Variants in CEP128 observed in about 807,000 individuals in gnomAD.
CEP128 encodes the protein centrosomal protein 128, also known as centrosomal protein 128kDa.
In CEP128, 132 loss-of-function variants were observed where a neutral mutation model predicts 156.7. That is an observed-to-expected ratio of 0.84 (90% CI 0.73 to 0.97). The LOEUF is 0.97. Among genes scored for constraint, CEP128 ranks in the 50% least tolerant of loss-of-function variants. CEP128 has a pLI of 0.00. For missense variants in CEP128, 1,252 were observed against 1,281.9 expected (o/e 0.98, Z 0.36); for synonymous variants, 469 against 448.9 (o/e 1.04, Z -0.57).
intron 23 of CEP128, among the ~76,000 whole-genome samples, chr14:80,510,775 T>A (rs746529831): frequency 3.3e-5 from 5 of 151,950 alleles, no homozygotes; most frequent in African/African-American, 4.8e-5. Flanking sequence ...ATGTTCCTTT[T>A]AAAATCCCTC....
intron 18 of CEP128, among the ~76,000 whole-genome samples, chr14:80,748,154 T>A (rs1432487407): frequency 6.6e-6 from 1 of 152,198 alleles, no homozygotes; most frequent in South Asian, 2.1e-4. Context: ...CTTGTCTGGA[T>A]GTCACTGGCT....
intron 19 of CEP128, among the ~76,000 whole-genome samples, chr14:80,597,049 A>G (rs907686664): frequency 1.3e-5 from 2 of 151,818 alleles, no homozygotes; most frequent in African/African-American, 2.4e-5. Flanking sequence ...AGAAGTAATA[A>G]AGATAAGAAC....
intron 13 of CEP128, among the ~76,000 whole-genome samples, chr14:80,793,978 T>C (rs1408897427): frequency 6.6e-6 from 1 of 152,196 alleles, no homozygotes; most frequent in Non-Finnish European, 1.5e-5. Flanking sequence ...TGTAAAGCTT[T>C]GTAAGAAAGT....
At chr14:80,866,261 G>C (rs1393383862) in intron 8 of CEP128, among the ~76,000 whole-genome samples, 1 of 152,082 alleles carries the variant, frequency 6.6e-6, no homozygotes, top group Non-Finnish European at 1.5e-5. Context: ...TCTCACCACA[G>C]TGCCAGACCA....
intron 9 of CEP128, among the ~76,000 whole-genome samples, chr14:80,859,263 T>C (rs912007009): frequency 1.3e-3 from 194 of 149,676 alleles, no homozygotes; most frequent in Non-Finnish European, 2.4e-3. Context: ...TGGATGAAAT[T>C]GGAAATCATC....
chr14:80,599,265 C>CTTTTTTTTTTTTTTTTTTTTTTTTTTTT (rs375136337), intron 19 of CEP128, among the ~76,000 whole-genome samples: 1 of 85,406 alleles, frequency 1.2e-5, no homozygotes, highest in Non-Finnish European at 2.1e-5. Flanking sequence ...CAGTCATATT[C>CTTTTTTTTTTTTTTTTTTTTTTTTTTTT]TTTTTTTTTT....
intron 20 of CEP128, among the ~76,000 whole-genome samples, chr14:80,566,637 C>T (rs564073759): frequency 5.4e-4 from 82 of 152,258 alleles, no homozygotes; most frequent in African/African-American, 1.9e-3. Flanking sequence ...TGTATGCTAT[C>T]TATTAAAAGT....
At chr14:80,627,262 T>C (rs1893767083) in intron 19 of CEP128, among the ~76,000 whole-genome samples, 1 of 152,214 alleles carries the variant, frequency 6.6e-6, no homozygotes, top group Non-Finnish European at 1.5e-5. Flanking sequence ...ATTATTGCAT[T>C]ACAGTACAAT....
At chr14:80,508,895 G>C (rs1021702675) in intron 23 of CEP128, among the ~76,000 whole-genome samples, 2 of 152,166 alleles carry the variant, frequency 1.3e-5, no homozygotes, top group African/African-American at 2.4e-5. Context: ...AGAACTACTG[G>C]AGACTGGGTA....
chr14:80,804,632 G>C (rs556604342), intron 13 of CEP128, among the ~76,000 whole-genome samples: 1 of 152,088 alleles, frequency 6.6e-6, no homozygotes, highest in East Asian at 1.9e-4. Flanking sequence ...AAAAATAGCT[G>C]ACTCAAGTGT....
At chr14:80,550,673 T>C (rs916475755) in intron 21 of CEP128, among the ~76,000 whole-genome samples, 2 of 151,678 alleles carry the variant, frequency 1.3e-5, no homozygotes, top group African/African-American at 4.8e-5. Context: ...TGTATATATA[T>C]GAATATCGAG....
At chr14:80,623,278 G>T (rs1457835129) in intron 19 of CEP128, among the ~76,000 whole-genome samples, 1 of 144,096 alleles carries the variant, frequency 6.9e-6, no homozygotes, top group African/African-American at 2.6e-5. Context: ...ATGGACACAG[G>T]AAGGGGAACA....
At chr14:80,642,440 T>A (rs1894457076) in intron 19 of CEP128, among the ~76,000 whole-genome samples, 1 of 152,078 alleles carries the variant, frequency 6.6e-6, no homozygotes, top group African/African-American at 2.4e-5. Context: ...CCCCAGACTT[T>A]GAGAGGCCAA....
chr14:80,813,615 A>T (rs891678329), intron 13 of CEP128, among the ~76,000 whole-genome samples: 1 of 152,148 alleles, frequency 6.6e-6, no homozygotes, highest in East Asian at 1.9e-4. Flanking sequence ...TACTATATAC[A>T]TCCTTGATTT....
chr14:80,947,756 G>T (rs1330054846), intron 2 of CEP128, among the ~76,000 whole-genome samples: 1 of 152,182 alleles, frequency 6.6e-6, no homozygotes, highest in Admixed American at 6.5e-5. Context: ...TGGAAAGAGA[G>T]GAATAGGAGG....
chr14:80,506,573 G>A (rs1887986318), intron 23 of CEP128, among the ~76,000 whole-genome samples: 1 of 151,944 alleles, frequency 6.6e-6, no homozygotes, highest in African/African-American at 2.4e-5. Flanking sequence ...CCATATCTGT[G>A]GGTTAGGTGG....
intron 6 of CEP128, among the ~76,000 whole-genome samples, 184 bp downstream of exon 6, chr14:80,904,629 A>C (rs569466005): frequency 4.3e-4 from 66 of 152,266 alleles, no homozygotes; most frequent in Non-Finnish European, 6.0e-4. Flanking sequence ...ATGATTTTTC[A>C]GCAAGAAAAC....
chr14:80,918,260 T>C (rs915567892), intron 2 of CEP128, among the ~76,000 whole-genome samples: 10 of 152,242 alleles, frequency 6.6e-5, no homozygotes, highest in African/African-American at 2.4e-4. Context: ...CATATAATGT[T>C]CACCTTTTAA....
chr14:80,543,147 A>C (rs941647557), intron 21 of CEP128, among the ~76,000 whole-genome samples: 6 of 152,198 alleles, frequency 3.9e-5, no homozygotes, highest in African/African-American at 1.4e-4. Flanking sequence ...ATTGAGATTT[A>C]TTTCAAAAAT....
Sources: gnomAD v4.1 joint callset for allele counts (sites outside exome capture counted in the v4.1 genomes callset) on GRCh38, gnomAD v4.1.1 for gene constraint, MANE v1.5 for transcripts, NCBI Gene and HGNC (gene_info 2026-07-23, HGNC 2026-07-21) for gene names.